The following ATXN3 variants were observed in gnomAD, a reference collection of about 807,000 sequenced individuals.
ATXN3 encodes ataxin-3.
Under a neutral mutation model 58.2 loss-of-function variants are expected in ATXN3, and 28 were observed. The ratio of observed to expected loss-of-function variants is 0.48; its 90% CI spans 0.36 to 0.66. The LOEUF is 0.66. Among genes scored for constraint, ATXN3 ranks in the 30% least tolerant of loss-of-function variants. The pLI, the probability that ATXN3 is intolerant of heterozygous loss-of-function variation, is 0.00. For synonymous variants in ATXN3, 113 were observed against 138.5 expected, an observed-to-expected ratio of 0.82 and a Z score of 1.29; for missense variants, 321 against 422.1, an observed-to-expected ratio of 0.76 and a Z score of 2.10.
chr14:92,077,112 G>A (rs911617533), intron 9 of ATXN3, among the ~76,000 whole-genome samples: 9 of 152,086 alleles, frequency 5.9e-5, no homozygotes, highest in Admixed American at 3.3e-4. Context: ...CATTTGAGGT[G>A]TAGAGGCAAT....
At position 92,096,842 on chromosome 14, in the gene ATXN3, A is replaced by G. The variant is rs751648794; in HGVS notation, c.25-4T>C. Reference sequence around the variant, plus strand: ...GAGCACAAAGTGAGCCTTCTTGCTAATATTTCCAAAAGAAAAAATTAAAAT... The same window carrying G: ...GAGCACAAAGTGAGCCTTCTTGCTAGTATTTCCAAAAGAAAAAATTAAAAT... On this transcript the variant is annotated splice_polypyrimidine_tract_variant and splice_region_variant and intron_variant, in intron 1 of 10. Coordinates refer to ENST00000644486, the MANE Select transcript of ATXN3 (RefSeq NM_004993.6). The G allele has an allele frequency of 5.3e-5, 85 of 1,612,442 alleles. 2 individuals carry two copies. In the South Asian group the frequency reaches 8.5e-4, roughly 16 times the overall value.
chr14:92,078,284 A>C (rs986603210), intron 9 of ATXN3, among the ~76,000 whole-genome samples: 3 of 150,630 alleles, frequency 2.0e-5, no homozygotes, highest in African/African-American at 7.3e-5. Flanking sequence ...GTGCCCAGCC[A>C]ATTTTGATAT....
intron 1 of ATXN3, 21 bp downstream of exon 1, chr14:92,106,508 C>G (rs777648912): frequency 6.2e-7 from 1 of 1,613,390 alleles, no homozygotes; most frequent in Admixed American, 1.7e-5. Flanking sequence ...AGACAGCTCC[C>G]CACCGAACGC....
chr14:92,104,603 GGTCCCACACCAAAGCCTT>G (rs2067730708), intron 1 of ATXN3, among the ~76,000 whole-genome samples: 1 of 152,134 alleles, frequency 6.6e-6, no homozygotes, highest in South Asian at 2.1e-4. Flanking sequence ...GTTGAAATGT[GGTCCCACACCAAAGCCTT>G]TGAAAATTAA....
intron 1 of ATXN3, among the ~76,000 whole-genome samples, chr14:92,097,657 C>G (rs1340145897): frequency 6.6e-6 from 1 of 151,696 alleles, no homozygotes; most frequent in Non-Finnish European, 1.5e-5. Context: ...TACCAAGTAG[C>G]TGCGACTACA....
chr14:92,070,984 A>G lies in ATXN3; in HGVS notation c.942T>C (p.His314=). Residue 314 remains histidine (H), a synonymous_variant, in exon 10 of 11, where the codon CAT becomes CAC. Coordinates refer to ENST00000644486, the MANE Select transcript of ATXN3 (RefSeq NM_004993.6). The stretch of plus-strand genomic sequence containing the variant: ...AACTGGTGGCTGGCCTTTCACATGG[A>G]TGTGAACTCTGTCCTGATAGGTCCC... ...QQGDLSGQSS[H]PCERPATSSG... is the part of the protein sequence containing the mutation. The G allele has an allele frequency of 8.9e-7, 1 of 1,124,338 alleles. No individual in the cohort carries two copies. The highest frequency in any genetic ancestry group is 1.9e-5 in the South Asian group (1 of 51,898). The allele number at this position is 1,124,338 out of a possible 1,614,324, so 69.6% of individuals were successfully genotyped here.
intron 9 of ATXN3, among the ~76,000 whole-genome samples, chr14:92,072,645 A>G (rs1194138556): frequency 6.6e-6 from 1 of 151,624 alleles, no homozygotes. Flanking sequence ...CAGAAAACCA[A>G]AAACCAAAAC....
intron 1 of ATXN3, among the ~76,000 whole-genome samples, chr14:92,048,985 A>C (rs2057438741): frequency 1.3e-5 from 2 of 152,236 alleles, no homozygotes; most frequent in Non-Finnish European, 2.9e-5. Flanking sequence ...GAGGCACCTC[A>C]GACCATTTGC....
chr14:92,106,386 G>T (rs1641777757), intron 1 of ATXN3, 143 bp downstream of exon 1: 2 of 1,035,470 alleles, frequency 1.9e-6, no homozygotes, highest in Non-Finnish European at 2.9e-6. Flanking sequence ...CGAGGAGGCG[G>T]GAGGCTGCGG....
downstream of ATXN3, among the ~76,000 whole-genome samples, chr14:92,056,439 AAAG>A (rs1168399197): frequency 1.3e-5 from 2 of 152,216 alleles, no homozygotes; most frequent in Non-Finnish European, 2.9e-5. Flanking sequence ...CAGTTTTTAA[AAAG>A]AAGAAAATTT....
chr14:92,080,863 A>T, intron 9 of ATXN3, 102 bp downstream of exon 9: 1 of 985,014 alleles, frequency 1.0e-6, no homozygotes. Context: ...TAAAAAATAC[A>T]TTCAAATATT....
chr14:92,082,616 A>G, intron 7 of ATXN3, 150 bp from the exon 8 acceptor site: 1 of 735,436 alleles, frequency 1.4e-6, no homozygotes, highest in Non-Finnish European at 2.0e-6. Context: ...TTGTGTTGCA[A>G]TTTGAATCCA....
downstream of ATXN3, among the ~76,000 whole-genome samples, chr14:92,054,181 G>A (rs1256148950): frequency 6.6e-6 from 1 of 152,046 alleles, no homozygotes; most frequent in African/African-American, 2.4e-5. Flanking sequence ...TGATCCACCC[G>A]CCTCAACCTC....
intron 9 of ATXN3, 148 bp downstream of exon 9, chr14:92,080,817 T>C (rs1192852725): frequency 1.4e-6 from 1 of 717,556 alleles, no homozygotes; most frequent in Non-Finnish European, 2.4e-6. Context: ...ATCACAGGCG[T>C]AAGCCACCGT....
chr14:92,105,813 C>T (rs1214763021), intron 1 of ATXN3, among the ~76,000 whole-genome samples: 3 of 152,202 alleles, frequency 2.0e-5, no homozygotes, highest in Non-Finnish European at 2.9e-5. Context: ...CAGTCCACTC[C>T]TAATACCTAA....
At chr14:92,104,190 A>T (rs1297570258) in intron 1 of ATXN3, among the ~76,000 whole-genome samples, 1 of 152,088 alleles carries the variant, frequency 6.6e-6, no homozygotes, top group Non-Finnish European at 1.5e-5. Context: ...GCCCAGGCTG[A>T]AGTGCAGTGG....
chr14:92,104,992 TTGTC>T (rs1193110268), intron 1 of ATXN3, among the ~76,000 whole-genome samples: 1 of 152,026 alleles, frequency 6.6e-6, no homozygotes, highest in African/African-American at 2.4e-5. Flanking sequence ...CAAATCTCTA[TTGTC>T]TATGATTTAC....
chr14:92,103,054 A>G (rs2067206627), intron 1 of ATXN3, among the ~76,000 whole-genome samples: 2 of 152,106 alleles, frequency 1.3e-5, no homozygotes, highest in Admixed American at 6.6e-5. Flanking sequence ...GCATTACATT[A>G]AAAGCACCAA....
chr14:92,075,156 G>GTTTTTTTTTTTTTTTTTTTTTTT, intron 9 of ATXN3, among the ~76,000 whole-genome samples: 2 of 111,356 alleles, frequency 1.8e-5, no homozygotes, highest in Non-Finnish European at 3.6e-5. Flanking sequence ...GTAATAGGGA[G>GTTTTTTTTTTTTTTTTTTTTTTT]TTTTTTTTTT....
Sources: gnomAD v4.1 joint callset for allele counts (sites outside exome capture counted in the v4.1 genomes callset) on GRCh38, gnomAD v4.1.1 for gene constraint, MANE v1.5 for transcripts, NCBI Gene and HGNC (gene_info 2026-07-23, HGNC 2026-07-21) for gene names.